Variants in SLC14A2 observed in about 807,000 individuals in gnomAD.
SLC14A2 encodes solute carrier family 14 member 2.
SLC14A2 carries 91 observed loss-of-function variants against 104.6 expected under a neutral mutation model. That is an observed-to-expected ratio of 0.87 (90% CI 0.73 to 1.04). The LOEUF (loss-of-function observed/expected upper bound fraction) is 1.04. Among genes scored for constraint, SLC14A2 ranks in the 50% least tolerant of loss-of-function variants. The pLI is 0.00. For synonymous variants in SLC14A2, 476 were observed against 466.4 expected (o/e 1.02, Z -0.27); for missense variants, 1,189 against 1,156.0 (o/e 1.03, Z -0.41).
intron 10 of SLC14A2, among the ~76,000 whole-genome samples, chr18:45,650,721 G>A (rs1206301758): frequency 7.1e-6 from 1 of 139,950 alleles, no homozygotes; most frequent in Non-Finnish European, 1.5e-5. Flanking sequence ...CACCACAGGT[G>A]TTTTGGGTTT....
In SLC14A2 at chr18:45,215,853, G is replaced by A. The variant is rs563343590; in HGVS notation, c.-125+2662G>A. Among the ~76,000 whole-genome samples, 19 of 149,918 alleles carry A rather than the reference G, an allele frequency of 1.3e-4. No individual in the cohort carries two copies. The East Asian group carries it at 2.9e-3, about 23-fold the overall frequency. On this transcript the variant is annotated intron_variant, in intron 1 of 20. Transcript: ENST00000586448. ...ATTTCTATAATGGTATTTTTTTTTG[G>A]TCTCTCTGTTTTGTAATTTATTTTG...
chr18:45,677,611 AGG>A (rs1489520713), intron 18 of SLC14A2, among the ~76,000 whole-genome samples: 1 of 152,238 alleles, frequency 6.6e-6, no homozygotes, highest in Non-Finnish European at 1.5e-5. Flanking sequence ...GCTGACACAT[AGG>A]GAATGTCCAG....
intron 1 of SLC14A2, among the ~76,000 whole-genome samples, chr18:45,476,307 C>A (rs1415109584): frequency 6.6e-6 from 1 of 152,100 alleles, no homozygotes; most frequent in South Asian, 2.1e-4. Context: ...GAATATTGGC[C>A]CCCACTCTCT....
intron 2 of SLC14A2, among the ~76,000 whole-genome samples, chr18:45,508,474 T>A (rs560620746): frequency 2.0e-5 from 3 of 152,376 alleles, no homozygotes; most frequent in African/African-American, 7.2e-5. Flanking sequence ...ATGTGACATG[T>A]GCCTTTCACC....
At chr18:45,573,863 T>G (rs16978412) in intron 2 of SLC14A2, among the ~76,000 whole-genome samples, 36,000 of 152,150 alleles carry the variant, frequency 0.24, 5,040 homozygotes, top group East Asian at 0.47. Context: ...AATCTACAAC[T>G]GGGAAAATTT....
chr18:45,183,906 A>AT, the SLC14A2 span, among the ~76,000 whole-genome samples: 30,234 of 61,990 alleles, frequency 0.49, 10,392 homozygotes, highest in East Asian at 0.77. Flanking sequence ...TAATTTTCTA[A>AT]TTTTTTTTTT....
intron 10 of SLC14A2, among the ~76,000 whole-genome samples, chr18:45,645,636 T>TATATATATATATTTATAC (rs1377328839): frequency 6.7e-6 from 1 of 148,656 alleles, no homozygotes. Context: ...TATACAAAGA[T>TATATATATATATTTATAC]ATATATAGAT....
At chr18:45,592,101 T>TCC (rs1338339663) in intron 2 of SLC14A2, among the ~76,000 whole-genome samples, 1 of 152,150 alleles carries the variant, frequency 6.6e-6, no homozygotes, top group East Asian at 1.9e-4. Flanking sequence ...ATCAAATCCC[T>TCC]CCCTTCCATC....
chr18:45,240,975 G>A (rs1005819874), intron 1 of SLC14A2, among the ~76,000 whole-genome samples: 7 of 152,110 alleles, frequency 4.6e-5, no homozygotes, highest in African/African-American at 1.2e-4. Flanking sequence ...GGAAGAAAGT[G>A]GTAACACTAA....
upstream of SLC14A2, chr18:45,614,816 T>TTTTG (rs2045033392): frequency 1.4e-5 from 2 of 143,020 alleles, no homozygotes; most frequent in Admixed American, 6.8e-5. Context: ...TTTTTTTTTT[T>TTTTG]GAGACACAGT....
intron 1 of SLC14A2, among the ~76,000 whole-genome samples, chr18:45,405,104 C>T (rs1268072988): frequency 1.3e-5 from 2 of 152,122 alleles, no homozygotes; most frequent in African/African-American, 4.8e-5. Flanking sequence ...AACGTGCTTA[C>T]CTTGAAAGAA....
upstream of SLC14A2, among the ~76,000 whole-genome samples, chr18:45,612,902 CTA>C (rs1429978511): frequency 6.6e-6 from 1 of 152,198 alleles, no homozygotes; most frequent in Non-Finnish European, 1.5e-5. Flanking sequence ...TCTCCTGCTG[CTA>C]TGTGACAAGG....
chr18:45,227,716 A>G (rs921568735), intron 1 of SLC14A2, among the ~76,000 whole-genome samples: 1 of 152,134 alleles, frequency 6.6e-6, no homozygotes, highest in Admixed American at 6.5e-5. Flanking sequence ...TAATGTGGAG[A>G]ACTGGTGGGA....
At chr18:45,241,613 T>C (rs1007394510) in intron 1 of SLC14A2, among the ~76,000 whole-genome samples, 1 of 151,720 alleles carries the variant, frequency 6.6e-6, no homozygotes, top group African/African-American at 2.4e-5. Context: ...TGCTGACTTA[T>C]TTGATTTTCT....
intron 1 of SLC14A2, among the ~76,000 whole-genome samples, chr18:45,215,474 T>C (rs2084001680): frequency 6.6e-6 from 1 of 152,196 alleles, no homozygotes; most frequent in South Asian, 2.1e-4. Flanking sequence ...AAATGAATTT[T>C]AAGAAAATAG....
chr18:45,522,994 T>C (rs888963749), intron 2 of SLC14A2, among the ~76,000 whole-genome samples: 15 of 152,086 alleles, frequency 9.9e-5, no homozygotes, highest in African/African-American at 3.6e-4. Context: ...AAAAAACTGA[T>C]CTCTCCAAGT....
At chr18:45,578,134 T>C (rs1222914325) in intron 2 of SLC14A2, among the ~76,000 whole-genome samples, 3 of 152,150 alleles carry the variant, frequency 2.0e-5, no homozygotes, top group African/African-American at 7.2e-5. Context: ...TCTTTCTCCT[T>C]TAACCATTCA....
intron 2 of SLC14A2, among the ~76,000 whole-genome samples, chr18:45,586,199 C>T (rs1329267577): frequency 6.6e-6 from 1 of 152,162 alleles, no homozygotes; most frequent in African/African-American, 2.4e-5. Flanking sequence ...GGGAGTGTCA[C>T]TCTAGGTGAG....
intron 2 of SLC14A2, among the ~76,000 whole-genome samples, chr18:45,541,799 C>T (rs566298755): frequency 1.8e-3 from 281 of 152,280 alleles, no homozygotes; most frequent in Admixed American, 4.4e-3. Context: ...TGTCTCTTTT[C>T]GCCTATGGCT....
Sources: allele counts gnomAD v4.1 joint callset (sites outside exome capture counted in the v4.1 genomes callset), GRCh38; gene constraint gnomAD v4.1.1; transcripts MANE v1.5; gene names NCBI Gene and HGNC (gene_info 2026-07-23, HGNC 2026-07-21).